The following WWC2 variants were observed in gnomAD, a reference collection of about 807,000 sequenced individuals.
WWC2 encodes protein WWC2.
In WWC2, 101 loss-of-function variants were observed where a neutral mutation model predicts 138.5. That is an observed-to-expected ratio of 0.73 (90% confidence interval 0.62 to 0.86). The LOEUF (loss-of-function observed/expected upper bound fraction) is 0.86, where lower values mean the gene tolerates loss of function less well. Ranked by LOEUF, WWC2 falls within the 40% of genes least tolerant of loss-of-function variation. WWC2 has a pLI of 0.00. For missense variants in WWC2, 1,420 were observed against 1,419.4 expected (o/e 1.00, Z -0.01); for synonymous variants, 558 against 538.4 (o/e 1.04, Z -0.50).
intron 1 of WWC2, among the ~76,000 whole-genome samples, chr4:183,182,541 A>T (rs548588309): frequency 1.3e-5 from 2 of 152,318 alleles, no homozygotes; most frequent in African/African-American, 4.8e-5. Flanking sequence ...CTTGGCACTT[A>T]GGAGAGAAAA....
At chr4:183,240,302 C>G (rs1480644709) in intron 5 of WWC2, 40 bp downstream of exon 5, 1 of 1,438,406 alleles carries the variant, frequency 7.0e-7, no homozygotes, top group Non-Finnish European at 9.4e-7. Flanking sequence ...GAATAAGCTC[C>G]CTAACTAGTA....
intron 1 of WWC2, among the ~76,000 whole-genome samples, chr4:183,145,595 A>G (rs1393168010): frequency 1.3e-5 from 2 of 152,200 alleles, no homozygotes; most frequent in Non-Finnish European, 2.9e-5. Context: ...AGAGAGAAGG[A>G]GTGCTAAGCA....
rs1739469254 is a variant in WWC2 at position 183,317,196 on chromosome 4, CAGTT to C, written c.*1470_*1473del. ...GAAAAAAAAAAAAAGTTTTGTTCCTCAGTTAGAATGCTCACTAGCTCACTAGCAA... is the reference window on the plus strand; with the variant it reads ...GAAAAAAAAAAAAAGTTTTGTTCCTCAGAATGCTCACTAGCTCACTAGCAA... On this transcript the variant is annotated 3_prime_UTR_variant, in exon 23 of 23. Coordinates refer to ENST00000403733, the MANE Select transcript of WWC2 (RefSeq NM_024949.6). The C allele has an allele frequency of 6.6e-6, 1 of 151,690 alleles. No individual in the cohort carries two copies. The highest frequency in any genetic ancestry group is 6.6e-5 in the Admixed American group (1 of 15,256). The allele number at this position is 151,690 out of a possible 1,614,324, so 9.4% of individuals were successfully genotyped here.
At chr4:183,177,691 C>T (rs147640000) in intron 1 of WWC2, among the ~76,000 whole-genome samples, 2 of 151,942 alleles carry the variant, frequency 1.3e-5, no homozygotes, top group African/African-American at 2.4e-5. Flanking sequence ...TGAACATGGG[C>T]ATATATTTTT....
chr4:183,284,259 A>G lies in WWC2; in HGVS notation c.2917A>G (p.Asn973Asp), dbSNP rs776041484. 1.7e-5 allele frequency: 27 copies of G among 1,613,890 alleles called. No individual in the cohort carries two copies. In the East Asian group the frequency reaches 5.8e-4, roughly 35 times the overall value. The part of the protein sequence containing the change: ...DKETNTDEAA[N>D]DNMAVRPKER... The stretch of plus-strand genomic sequence containing the variant: ...AGAGACAAACACTGATGAAGCCGCT[A>G]ATGACAATATGGCAGTTCGCCCCAA... Residue 973 changes from asparagine (N) to aspartate (D), a missense_variant, in exon 19 of 23, where the codon AAT becomes GAT. Physicochemically the swap from Asn to Asp is conservative, Grantham distance 23. Coordinates refer to ENST00000403733, the MANE Select transcript of WWC2 (RefSeq NM_024949.6).
At position 183,303,238 on chromosome 4, in the gene WWC2, G is replaced by A. The variant is rs909737504; in HGVS notation, c.3385-9103G>A. On this transcript the variant is annotated intron_variant, in intron 21 of 22. Coordinates refer to ENST00000403733, the MANE Select transcript of WWC2 (RefSeq NM_024949.6). ...TAATTAATTCCTTTTGTAAGACAGC[G>A]TTGCAAGTAACTTCTGCAAATATAG... 2.8e-4 allele frequency among the ~76,000 whole-genome samples: 42 copies of A among 152,224 alleles called. 1 individual carries two copies. Among genetic ancestry groups the A allele is most frequent in the African/African-American group, 8.9e-4 (37 of 41,516 alleles).
chr4:183,281,601 C>T (rs1230175529), intron 17 of WWC2, among the ~76,000 whole-genome samples: 1 of 152,048 alleles, frequency 6.6e-6, no homozygotes, highest in Non-Finnish European at 1.5e-5. Context: ...TGTGCATATA[C>T]ATATATAGCA....
intron 8 of WWC2, among the ~76,000 whole-genome samples, chr4:183,250,467 G>A (rs148144265): frequency 2.0e-5 from 3 of 152,156 alleles, no homozygotes; most frequent in East Asian, 3.9e-4. Context: ...AGTTCCAGTC[G>A]ACTTAGGTTA....
At position 183,318,276 on chromosome 4, in the gene WWC2, C is replaced by T. The variant is rs1049740377; in HGVS notation, c.*2547C>T. The T allele has an allele frequency of 2.6e-5, 4 of 152,514 alleles. No individual in the cohort carries two copies. The highest frequency in any genetic ancestry group is 9.7e-5 in the African/African-American group (4 of 41,400). 9.4% of individuals were successfully genotyped at this position (152,514 alleles called of 1,614,324 possible). A position where few individuals can be genotyped will look rare whatever the true frequency, so the allele number is the denominator to read the frequency against. On this transcript the variant is annotated 3_prime_UTR_variant, in exon 23 of 23. Transcript: ENST00000403733. ...AGTTTAGCTAAATCTCTGTAGCATG[C>T]AAATCAAATAAATTAAAATTTTTTG...
Position 183,312,322 on chromosome 4 carries a change from T to C in WWC2, c.3385-19T>C, listed in dbSNP as rs1330112283. ...ATCAGTGTTTTGTGTGTTTCTTACA[T>C]TTTTATTCCCTTTTCCAGGCTGAAC... On this transcript the variant is annotated intron_variant, in intron 21 of 22. Coordinates refer to ENST00000403733, the MANE Select transcript of WWC2 (RefSeq NM_024949.6). The C allele has an allele frequency of 1.2e-6, 2 of 1,610,524 alleles. No individual in the cohort carries two copies. Among genetic ancestry groups the C allele is most frequent in the Non-Finnish European group, 1.7e-6 (2 of 1,178,042 alleles).
chr4:183,247,225 G>A (rs1218943675), intron 6 of WWC2, among the ~76,000 whole-genome samples: 1 of 151,802 alleles, frequency 6.6e-6, no homozygotes, highest in African/African-American at 2.4e-5. Context: ...GAATTTCACA[G>A]AAATATGCCT....
Position 183,099,567 on chromosome 4 carries a change from G to A in WWC2, c.76G>A (p.Val26Ile), listed in dbSNP as rs748409828. 3 of 1,422,478 alleles carry A rather than the reference G, an allele frequency of 2.1e-6. No individual in the cohort carries two copies. The highest frequency in any genetic ancestry group is 4.6e-5 in the Admixed American group (2 of 43,208). The allele number at this position is 1,422,478 out of a possible 1,614,324, so 88.1% of individuals were successfully genotyped here. A position where few individuals can be genotyped will look rare whatever the true frequency, so the allele number is the denominator to read the frequency against. ...WEEARDYDGK[V>I]FYIDHNTRRT... ...GGAGGCCAGGGACTACGACGGCAAG[G>A]TCTTCTACATTGACCACAACACCAG... The change falls in exon 1 of 23, where the codon GTC (valine) becomes ATC (isoleucine). Residue 26 changes from valine (V) to isoleucine (I), a missense_variant. Physicochemically the swap from Val to Ile is conservative, Grantham distance 29 (BLOSUM62 3). Coordinates refer to ENST00000403733, the MANE Select transcript of WWC2 (RefSeq NM_024949.6).
chr4:183,296,883 G>A (rs559864362), intron 21 of WWC2, among the ~76,000 whole-genome samples: 11 of 123,648 alleles, frequency 8.9e-5, no homozygotes, highest in African/African-American at 3.4e-4. Flanking sequence ...GCAGTGAGCC[G>A]AGATCGCACC....
At chr4:183,171,074 A>G (rs1006373531) in intron 1 of WWC2, among the ~76,000 whole-genome samples, 1 of 152,228 alleles carries the variant, frequency 6.6e-6, no homozygotes, top group African/African-American at 2.4e-5. Flanking sequence ...AAGCTTTTCT[A>G]ATCAAAGGCC....
chr4:183,179,600 G>A (rs1239550870), intron 1 of WWC2, among the ~76,000 whole-genome samples: 3 of 152,116 alleles, frequency 2.0e-5, no homozygotes, highest in South Asian at 2.1e-4. Flanking sequence ...ACCGCCTCCC[G>A]GGTTGTGAGG....
At chr4:183,310,360 C>A (rs1180153503) in intron 21 of WWC2, among the ~76,000 whole-genome samples, 1 of 152,112 alleles carries the variant, frequency 6.6e-6, no homozygotes, top group Non-Finnish European at 1.5e-5. Flanking sequence ...CCTAAAACTG[C>A]TCTAATAAAT....
intron 21 of WWC2, among the ~76,000 whole-genome samples, chr4:183,308,713 C>T (rs542106397): frequency 5.4e-4 from 82 of 152,230 alleles, no homozygotes; most frequent in African/African-American, 1.9e-3. Context: ...TAACTTATAA[C>T]ACCTGTTATA....
chr4:183,100,546 T>G (rs1027233901), intron 1 of WWC2, among the ~76,000 whole-genome samples: 2 of 152,244 alleles, frequency 1.3e-5, no homozygotes, highest in Non-Finnish European at 2.9e-5. Context: ...CCACCAGGGA[T>G]AACTTCGACA....
intron 1 of WWC2, among the ~76,000 whole-genome samples, chr4:183,135,275 T>C (rs910954929): frequency 1.3e-5 from 2 of 152,186 alleles, no homozygotes; most frequent in Non-Finnish European, 2.9e-5. Flanking sequence ...TATTACTGTG[T>C]TCATATATGT....
Sources: allele counts gnomAD v4.1 joint callset (sites outside exome capture counted in the v4.1 genomes callset), GRCh38; gene constraint gnomAD v4.1.1; transcripts MANE v1.5; gene names NCBI Gene and HGNC (gene_info 2026-07-23, HGNC 2026-07-21).